Variants in TMEM132C observed in about 807,000 individuals in gnomAD.
TMEM132C encodes protein phosphatase 1, regulatory subunit 152.
TMEM132C carries 29 observed loss-of-function variants against 61.4 expected under a neutral mutation model. The observed-to-expected ratio is 0.47, with a 90% CI of 0.35 to 0.64. The LOEUF is 0.64. TMEM132C is among the 30% of genes least tolerant of loss of function. The pLI is 0.00. For synonymous variants in TMEM132C, 656 were observed against 633.1 expected (o/e 1.04, Z -0.54); for missense variants, 1,408 against 1,476.9 (o/e 0.95, Z 0.76).
chr12:128,308,242 C>G (rs575240094), intron 1 of TMEM132C, among the ~76,000 whole-genome samples: 1 of 152,346 alleles, frequency 6.6e-6, no homozygotes, highest in African/African-American at 2.4e-5. Context: ...CCTGGACTTC[C>G]CCCTTGCAGG....
At chr12:128,360,047 G>T (rs1401168078) in intron 1 of TMEM132C, among the ~76,000 whole-genome samples, 3 of 152,102 alleles carry the variant, frequency 2.0e-5, no homozygotes, top group African/African-American at 4.8e-5. Context: ...TGGAGGTTGT[G>T]CCTGCATTTT....
At chr12:128,676,212 T>A (rs1234406572) in intron 5 of TMEM132C, among the ~76,000 whole-genome samples, 1 of 152,212 alleles carries the variant, frequency 6.6e-6, no homozygotes, top group Non-Finnish European at 1.5e-5. Context: ...AGCATTGCCC[T>A]GTCTTTTAAC....
At chr12:128,372,189 A>G (rs2135982279) in intron 1 of TMEM132C, among the ~76,000 whole-genome samples, 1 of 152,302 alleles carries the variant, frequency 6.6e-6, no homozygotes, top group East Asian at 1.9e-4. Flanking sequence ...ATGGAGAGAA[A>G]CCAAGTCCTA....
At chr12:128,491,301 G>A (rs914354202) in intron 2 of TMEM132C, among the ~76,000 whole-genome samples, 1 of 152,144 alleles carries the variant, frequency 6.6e-6, no homozygotes, top group Non-Finnish European at 1.5e-5. Context: ...TAGCGTTGAG[G>A]TTGATGGATT....
intron 3 of TMEM132C, among the ~76,000 whole-genome samples, chr12:128,588,922 C>T (rs897675943): frequency 3.3e-5 from 5 of 152,166 alleles, no homozygotes; most frequent in Admixed American, 3.3e-4. Flanking sequence ...AAGTCAGGGA[C>T]TGTGTTTGCA....
chr12:128,354,704 C>T (rs192030240), intron 1 of TMEM132C, among the ~76,000 whole-genome samples: 42 of 152,216 alleles, frequency 2.8e-4, no homozygotes, highest in Middle Eastern at 6.8e-3. Flanking sequence ...TTTGTCTTTC[C>T]GTGATTTACA....
chr12:128,346,050 A>T (rs1873150688), intron 1 of TMEM132C, among the ~76,000 whole-genome samples: 1 of 152,062 alleles, frequency 6.6e-6, no homozygotes, highest in Non-Finnish European at 1.5e-5. Context: ...ATCCATCTTG[A>T]GTTAATTTTT....
Position 128,278,669 on chromosome 12 carries a change from GT to G in TMEM132C, c.85+11183del, listed in dbSNP as rs1870771976. 6.6e-6 allele frequency among the ~76,000 whole-genome samples: 1 copy of G among 152,022 alleles called. No individual in the cohort carries two copies. Among genetic ancestry groups the G allele is most frequent in the South Asian group, 2.1e-4 (1 of 4,810 alleles). ...TTTACTAAACCCCGGTGGTCAGGGT[GT>G]CCATGATGACTAAGTTTTTGTCTTA... On this transcript the variant is annotated intron_variant, in intron 1 of 8. Coordinates refer to ENST00000435159, the MANE Select transcript of TMEM132C (RefSeq NM_001136103.3). The surrounding 1 kb of genome is among the most constrained non-coding windows in gnomAD (Gnocchi z 4.2).
chr12:128,669,524 G>A lies in TMEM132C; in HGVS notation c.1413G>A (p.Ser471=), dbSNP rs139397925. The part of the protein sequence containing the change: ...ENSAVMDISE[S]VECKSTDEDV... ...GTGCCGTGATGGACATCTCAGAGTCGGTGGAGTGCAAGTCCACAGACGAGG... is the reference window on the plus strand; with the variant it reads ...GTGCCGTGATGGACATCTCAGAGTCAGTGGAGTGCAAGTCCACAGACGAGG... Residue 471 remains serine (S), a synonymous_variant, in exon 5 of 9, where the codon TCG becomes TCA. Coordinates refer to ENST00000435159, the MANE Select transcript of TMEM132C (RefSeq NM_001136103.3). The A allele has an allele frequency of 3.7e-3, 5,742 of 1,551,576 alleles. 43 individuals carry two copies. The highest frequency in any genetic ancestry group is 0.011 in the South Asian group (933 of 84,012).
intron 2 of TMEM132C, among the ~76,000 whole-genome samples, chr12:128,522,656 C>T (rs1009230262): frequency 2.0e-5 from 3 of 152,154 alleles, no homozygotes; most frequent in African/African-American, 7.2e-5. Flanking sequence ...AGAAGTGCCC[C>T]TCCATTTAAG....
chr12:128,452,920 T>G (rs1319332702), intron 2 of TMEM132C, among the ~76,000 whole-genome samples: 8 of 152,154 alleles, frequency 5.3e-5, no homozygotes, highest in Non-Finnish European at 8.8e-5. Context: ...GAAGTTGTAT[T>G]TTGTAGTAAA....
intron 1 of TMEM132C, among the ~76,000 whole-genome samples, chr12:128,325,225 G>A (rs1872467135): frequency 1.3e-5 from 2 of 152,146 alleles, no homozygotes; most frequent in Non-Finnish European, 2.9e-5. Flanking sequence ...TAGGAAAACA[G>A]AAAGAAAGAA....
At chr12:128,270,041 A>G (rs367608332) in intron 1 of TMEM132C, among the ~76,000 whole-genome samples, 2 of 152,182 alleles carry the variant, frequency 1.3e-5, no homozygotes, top group African/African-American at 4.8e-5. Context: ...TCTTTTCCTA[A>G]GATTTAAGAC....
chr12:128,567,427 T>TAG (rs1247882942), intron 3 of TMEM132C, among the ~76,000 whole-genome samples: 2 of 114,258 alleles, frequency 1.8e-5, no homozygotes, highest in Admixed American at 9.4e-5. Context: ...CACATACCCA[T>TAG]AGACACACAC....
At chr12:128,551,331 A>T (rs980469791) in intron 3 of TMEM132C, among the ~76,000 whole-genome samples, 4 of 151,940 alleles carry the variant, frequency 2.6e-5, no homozygotes, top group Non-Finnish European at 5.9e-5. Context: ...TGTAACCTAG[A>T]ACCTCTGAAA....
At chr12:128,322,997 G>A (rs1446500265) in intron 1 of TMEM132C, among the ~76,000 whole-genome samples, 1 of 152,182 alleles carries the variant, frequency 6.6e-6, no homozygotes, top group Non-Finnish European at 1.5e-5. Flanking sequence ...TTCTAGGACT[G>A]CAGATACAGC....
At chr12:128,555,545 C>T (rs192646213) in intron 3 of TMEM132C, among the ~76,000 whole-genome samples, 50 of 152,328 alleles carry the variant, frequency 3.3e-4, no homozygotes, top group Admixed American at 7.2e-4. Context: ...TGAGCATCTG[C>T]AGCAGGATAA....
At chr12:128,458,963 A>G (rs1870439817) in intron 2 of TMEM132C, among the ~76,000 whole-genome samples, 1 of 152,234 alleles carries the variant, frequency 6.6e-6, no homozygotes, top group Non-Finnish European at 1.5e-5. Flanking sequence ...TGGCCCAGCT[A>G]CAAACTGAAG....
Position 128,537,789 on chromosome 12 carries a change from G to A in TMEM132C, c.975-6168G>A, listed in dbSNP as rs142524201. Among the ~76,000 whole-genome samples, 28 of 152,216 alleles carry A rather than the reference G, an allele frequency of 1.8e-4. No homozygotes were observed. In the East Asian group the frequency reaches 2.7e-3, roughly 15 times the overall value. On this transcript the variant is annotated intron_variant, in intron 2 of 8. Coordinates refer to ENST00000435159, the MANE Select transcript of TMEM132C (RefSeq NM_001136103.3). ...ACACCAAAAAAGTTCATGTGAAAAC[G>A]TGTAAAATCTAAATAAGGTATGTAC...
Sources: gnomAD v4.1 joint callset for allele counts (sites outside exome capture counted in the v4.1 genomes callset) on GRCh38, gnomAD v4.1.1 for gene constraint, Gnocchi (gnomAD v3.1) non-coding constraint, MANE v1.5 for transcripts, NCBI Gene and HGNC (gene_info 2026-07-23, HGNC 2026-07-21) for gene names.